The following SIPA1L3 variants were observed in gnomAD, a reference collection of about 807,000 sequenced individuals.
The protein encoded by SIPA1L3 is signal-induced proliferation-associated 1-like protein 3.
In SIPA1L3, 59 loss-of-function variants were observed where a neutral mutation model predicts 150.1. The ratio of observed to expected loss-of-function variants is 0.39; its 90% confidence interval spans 0.32 to 0.49. SIPA1L3 has a LOEUF of 0.49. Ranked by LOEUF, SIPA1L3 falls within the 20% of genes least tolerant of loss-of-function variation. SIPA1L3 has a pLI of 0.86. For synonymous variants in SIPA1L3, 1,070 were observed against 1,077.6 expected (o/e 0.99, Z 0.14); for missense variants, 2,211 against 2,489.5 (o/e 0.89, Z 2.38).
chr19:38,170,857 G>C (rs535784462), intron 15 of SIPA1L3, among the ~76,000 whole-genome samples: 1 of 151,944 alleles, frequency 6.6e-6, no homozygotes, highest in Non-Finnish European at 1.5e-5. Context: ...AGGAGGGAGC[G>C]GGTGAAGGAG....
intron 15 of SIPA1L3, among the ~76,000 whole-genome samples, chr19:38,167,156 C>A (rs886277035): frequency 3.7e-4 from 53 of 143,678 alleles, no homozygotes; most frequent in African/African-American, 1.2e-3. Context: ...TCGCTTGAAT[C>A]TGGGAGGCAG....
chr19:38,203,019 C>T lies in SIPA1L3; in HGVS notation c.5120+1022C>T, dbSNP rs1009934548. 2.0e-5 allele frequency among the ~76,000 whole-genome samples: 3 copies of T among 152,230 alleles called. No homozygotes were observed. In the South Asian group the frequency reaches 6.2e-4, roughly 31 times the overall value. On this transcript the variant is annotated intron_variant, in intron 20 of 21. Transcript: ENST00000222345. ...GGATTTAAATAGTGCATTTCACACTCGTCTGCACACCTCACGGTTCAGGGT... is the reference window on the plus strand; with the variant it reads ...GGATTTAAATAGTGCATTTCACACTTGTCTGCACACCTCACGGTTCAGGGT...
At chr19:38,069,080 A>G (rs777630347) in intron 2 of SIPA1L3, among the ~76,000 whole-genome samples, 1 of 152,192 alleles carries the variant, frequency 6.6e-6, no homozygotes, top group African/African-American at 2.4e-5. Flanking sequence ...CACCCCAGAC[A>G]TGCATCTGTT....
chr19:38,013,045 C>T (rs1968141299), intron 1 of SIPA1L3, among the ~76,000 whole-genome samples: 1 of 152,158 alleles, frequency 6.6e-6, no homozygotes, highest in Admixed American at 6.5e-5. Flanking sequence ...ATCTGGGGGA[C>T]TCTAGTCCAC....
chr19:38,081,506 G>A lies in SIPA1L3; in HGVS notation c.-60G>A. 1 of 1,473,396 alleles carries A rather than the reference G, an allele frequency of 6.8e-7. No homozygotes were observed. The highest frequency in any genetic ancestry group is 9.1e-7 in the Non-Finnish European group (1 of 1,095,654). The allele number at this position is 1,473,396 out of a possible 1,614,324, so 91.3% of individuals were successfully genotyped here. On this transcript the variant is annotated 5_prime_UTR_variant, in exon 3 of 22. Coordinates refer to ENST00000222345, the MANE Select transcript of SIPA1L3 (RefSeq NM_015073.3). The stretch of plus-strand genomic sequence containing the variant: ...CCCTGAACAATGGCTGAGGGCTGGG[G>A]GACCCCATAGAGTGACACCACAGCG...
intron 1 of SIPA1L3, among the ~76,000 whole-genome samples, chr19:37,926,014 C>T (rs1599800277): frequency 6.6e-6 from 1 of 152,216 alleles, no homozygotes; most frequent in East Asian, 1.9e-4. Context: ...CTGATGGTGA[C>T]CAGTTCCTTG....
chr19:38,172,303 AGAG>A (rs1972345223), intron 15 of SIPA1L3, among the ~76,000 whole-genome samples: 2 of 152,234 alleles, frequency 1.3e-5, no homozygotes, highest in South Asian at 4.1e-4. Flanking sequence ...GCTTGTGAGA[AGAG>A]GAGGCAGAGT....
At chr19:37,947,736 C>G (rs1171887626) in intron 1 of SIPA1L3, among the ~76,000 whole-genome samples, 1 of 152,194 alleles carries the variant, frequency 6.6e-6, no homozygotes, top group Non-Finnish European at 1.5e-5. Context: ...CATTTCACAG[C>G]TTGGATGGGG....
intron 2 of SIPA1L3, among the ~76,000 whole-genome samples, chr19:38,070,162 AC>A (rs1319059055): frequency 6.7e-6 from 1 of 149,616 alleles, no homozygotes; most frequent in East Asian, 2.0e-4. Flanking sequence ...AGTCTTCCTG[AC>A]CCCCTCCCAA....
intron 4 of SIPA1L3, among the ~76,000 whole-genome samples, chr19:38,097,266 T>C (rs1970401349): frequency 6.6e-6 from 1 of 152,038 alleles, no homozygotes; most frequent in African/African-American, 2.4e-5. Context: ...AGGGGATCTC[T>C]TGCGCCCAGG....
At position 38,142,615 on chromosome 19, in the gene SIPA1L3, A is replaced by C. The variant is rs982200117; in HGVS notation, c.3438A>C (p.Ala1146=). 1 of 1,613,952 alleles carries C rather than the reference A, an allele frequency of 6.2e-7. No homozygotes were observed. Among genetic ancestry groups the C allele is most frequent in the Admixed American group, 1.7e-5 (1 of 59,992 alleles). ...FPETPYTVSP[A]GADRVPPYRQ... Reference sequence around the variant, plus strand: ...AAACCCCTTACACAGTATCACCAGCAGGGGCCGACAGAGTCCCTCCCTACC... The same window carrying C: ...AAACCCCTTACACAGTATCACCAGCCGGGGCCGACAGAGTCCCTCCCTACC... Residue 1146 remains alanine, a synonymous_variant, in exon 12 of 22, where the codon GCA becomes GCC. Transcript: ENST00000222345.
chr19:38,101,880 C>T (rs930699377), intron 6 of SIPA1L3, among the ~76,000 whole-genome samples: 2 of 152,166 alleles, frequency 1.3e-5, no homozygotes, highest in Non-Finnish European at 2.9e-5. Context: ...GCACCCAGTG[C>T]ACACTGGCAG....
At chr19:38,169,979 C>G (rs1449196205) in intron 15 of SIPA1L3, among the ~76,000 whole-genome samples, 2 of 145,926 alleles carry the variant, frequency 1.4e-5, no homozygotes, top group African/African-American at 5.1e-5. Flanking sequence ...GTAGAGGGGC[C>G]AGGGTAAGAT....
chr19:38,191,458 C>G (rs1972801988), intron 16 of SIPA1L3, among the ~76,000 whole-genome samples: 1 of 151,540 alleles, frequency 6.6e-6, no homozygotes, highest in South Asian at 2.1e-4. Context: ...CATATATGTT[C>G]CAAGGGAAAC....
At chr19:38,096,289 G>A (rs545356501) in intron 4 of SIPA1L3, among the ~76,000 whole-genome samples, 162 of 152,060 alleles carry the variant, frequency 1.1e-3, no homozygotes, top group African/African-American at 3.8e-3. Context: ...TCACTCTGTC[G>A]CCTAGGCTGG....
At chr19:38,002,083 G>A (rs561337078) in intron 1 of SIPA1L3, among the ~76,000 whole-genome samples, 4 of 152,264 alleles carry the variant, frequency 2.6e-5, no homozygotes, top group East Asian at 1.9e-4. Flanking sequence ...TGTACCTTAC[G>A]TGTGCAGTTC....
intron 4 of SIPA1L3, among the ~76,000 whole-genome samples, chr19:38,092,443 T>C (rs1970280287): frequency 2.0e-5 from 3 of 152,204 alleles, no homozygotes; most frequent in Admixed American, 2.0e-4. Flanking sequence ...TACTGGGTTA[T>C]ATAATTTTTT....
At chr19:38,160,244 C>A (rs1204719448) in intron 13 of SIPA1L3, among the ~76,000 whole-genome samples, 1 of 151,932 alleles carries the variant, frequency 6.6e-6, no homozygotes, top group South Asian at 2.1e-4. Context: ...GAACTCCTGA[C>A]CTCAAATGAT....
intron 1 of SIPA1L3, among the ~76,000 whole-genome samples, chr19:37,915,604 A>G (rs1568462350): frequency 2.0e-5 from 3 of 151,376 alleles, no homozygotes; most frequent in African/African-American, 4.9e-5. Context: ...CTGGTCTCCA[A>G]CTCCTCACCT....
Sources: allele counts gnomAD v4.1 joint callset (sites outside exome capture counted in the v4.1 genomes callset), GRCh38; gene constraint gnomAD v4.1.1; transcripts MANE v1.5; gene names NCBI Gene and HGNC (gene_info 2026-07-23, HGNC 2026-07-21).